The following RGS7 variants were observed in gnomAD, a reference collection of about 807,000 sequenced individuals.
The protein encoded by RGS7 is regulator of G protein signaling 7, also known as regulator of G-protein signaling 7.
RGS7 carries 27 observed loss-of-function variants against 81.1 expected under a neutral mutation model. The ratio of observed to expected loss-of-function variants is 0.33; its 90% CI spans 0.25 to 0.46. The LOEUF (loss-of-function observed/expected upper bound fraction) is 0.46. RGS7 is among the 20% of genes least tolerant of loss of function. The probability of loss-of-function intolerance (pLI) is 1.00; values close to 1 mark genes in which losing one functional copy is unlikely to be tolerated. For synonymous variants in RGS7, 208 were observed against 207.7 expected, an observed-to-expected ratio of 1.00 and a Z score of -0.01; for missense variants, 396 against 607.4, an observed-to-expected ratio of 0.65 and a Z score of 3.66.
In RGS7 at chr1:240,987,966, T is replaced by C. The variant is rs60293627; in HGVS notation, c.176-4837A>G. On this transcript the variant is annotated intron_variant, in intron 3 of 18. Coordinates refer to ENST00000440928, the MANE Select transcript of RGS7 (RefSeq NM_001364886.1). ...TCAAATAGCATGTAATAAACATCTA[T>C]TGCGTTTCTGTAGAAGTTTGGCTGA... is the stretch of plus-strand genomic sequence containing the variant. Among the ~76,000 whole-genome samples, 1,447 of 152,318 alleles carry C rather than the reference T, an allele frequency of 9.5e-3. 17 individuals carry two copies. Among genetic ancestry groups the C allele is most frequent in the East Asian group, 0.058 (300 of 5,186 alleles).
At chr1:240,921,821 T>G (rs1260328057) in intron 6 of RGS7, among the ~76,000 whole-genome samples, 1 of 152,062 alleles carries the variant, frequency 6.6e-6, no homozygotes, top group Non-Finnish European at 1.5e-5. Context: ...AAGATGTGAG[T>G]TCTTTCCAAC....
chr1:241,209,894 TA>T (rs1421699875), intron 2 of RGS7, among the ~76,000 whole-genome samples: 4 of 152,028 alleles, frequency 2.6e-5, no homozygotes, highest in African/African-American at 9.7e-5. Flanking sequence ...TTAACTCATT[TA>T]ATCTTGACAG....
At chr1:241,199,593 A>G (rs2073346105) in intron 2 of RGS7, among the ~76,000 whole-genome samples, 1 of 151,752 alleles carries the variant, frequency 6.6e-6, no homozygotes, top group South Asian at 2.1e-4. Context: ...CAATGCAATA[A>G]GGCAAGAAAA....
intron 3 of RGS7, among the ~76,000 whole-genome samples, chr1:241,023,945 T>C (rs1381289437): frequency 6.6e-6 from 1 of 152,170 alleles, no homozygotes; most frequent in Non-Finnish European, 1.5e-5. Context: ...GGTTTCTCCA[T>C]GTTGGTCAGG....
intron 2 of RGS7, among the ~76,000 whole-genome samples, chr1:241,214,044 C>T (rs1323975098): frequency 6.6e-6 from 1 of 152,132 alleles, no homozygotes; most frequent in African/African-American, 2.4e-5. Flanking sequence ...GAATTACAGG[C>T]ACGAGCCACC....
Position 241,030,658 on chromosome 1 carries a change from A to G in RGS7, c.176-47529T>C, listed in dbSNP as rs111367265. Reference sequence around the variant, plus strand: ...CTCATTCTCATCTCTCCTGTCGACCATTCTAGTCTCAGCCACTATCATCTC... The same window carrying G: ...CTCATTCTCATCTCTCCTGTCGACCGTTCTAGTCTCAGCCACTATCATCTC... On this transcript the variant is annotated intron_variant, in intron 3 of 18. Coordinates refer to ENST00000440928, the MANE Select transcript of RGS7 (RefSeq NM_001364886.1). Among the ~76,000 whole-genome samples the G allele has an allele frequency of 4.2e-3, 634 of 152,084 alleles. 6 individuals are homozygous for G. The highest frequency in any genetic ancestry group is 0.014 in the African/African-American group (599 of 41,494).
intron 2 of RGS7, among the ~76,000 whole-genome samples, chr1:241,354,134 C>G (rs1301996676): frequency 2.0e-5 from 3 of 151,946 alleles, no homozygotes; most frequent in Admixed American, 6.6e-5. Flanking sequence ...TTGTATACAC[C>G]CATAAGATAG....
chr1:240,853,632 GCAGTGACTCACGCC>G (rs1299899230), intron 9 of RGS7, among the ~76,000 whole-genome samples: 1 of 152,058 alleles, frequency 6.6e-6, no homozygotes, highest in Non-Finnish European at 1.5e-5. Context: ...CTGGCCGGGC[GCAGTGACTCACGCC>G]TGAAACCCCA....
At chr1:241,201,059 C>T (rs2073463927) in intron 2 of RGS7, among the ~76,000 whole-genome samples, 1 of 152,190 alleles carries the variant, frequency 6.6e-6, no homozygotes, top group Non-Finnish European at 1.5e-5. Flanking sequence ...ATATTCTTTA[C>T]TTTGATTACC....
intron 3 of RGS7, among the ~76,000 whole-genome samples, chr1:241,000,226 T>A (rs2148625496): frequency 6.6e-6 from 1 of 152,272 alleles, no homozygotes; most frequent in East Asian, 1.9e-4. Flanking sequence ...AAAGGAGGTC[T>A]CATTCCTGAC....
At chr1:241,133,285 G>A (rs1312433665) in intron 2 of RGS7, among the ~76,000 whole-genome samples, 6 of 151,082 alleles carry the variant, frequency 4.0e-5, no homozygotes, top group Non-Finnish European at 8.8e-5. Flanking sequence ...ATATCAATTT[G>A]ATAAACCACA....
chr1:241,128,528 T>C (rs2066851416), intron 2 of RGS7, among the ~76,000 whole-genome samples: 1 of 151,912 alleles, frequency 6.6e-6, no homozygotes, highest in African/African-American at 2.4e-5. Flanking sequence ...GAGGTTACAG[T>C]GAGCCGAGAT....
intron 2 of RGS7, among the ~76,000 whole-genome samples, chr1:241,342,719 G>A (rs1008869953): frequency 6.6e-6 from 1 of 152,204 alleles, no homozygotes; most frequent in African/African-American, 2.4e-5. Flanking sequence ...GCCTTTTAAA[G>A]CTGATAGATT....
chr1:240,777,834 T>G (rs1683233663), intron 18 of RGS7, among the ~76,000 whole-genome samples: 1 of 151,710 alleles, frequency 6.6e-6, no homozygotes, highest in Non-Finnish European at 1.5e-5. Flanking sequence ...CCAAAGGCCC[T>G]AACTCCTAAT....
chr1:240,906,006 C>G (rs763472286), intron 6 of RGS7, among the ~76,000 whole-genome samples: 13 of 152,164 alleles, frequency 8.5e-5, no homozygotes, highest in Non-Finnish European at 1.6e-4. Flanking sequence ...TTCCCAGGTT[C>G]CATCTCATAC....
intron 2 of RGS7, among the ~76,000 whole-genome samples, chr1:241,309,961 G>T (rs2080409226): frequency 6.6e-6 from 1 of 152,202 alleles, no homozygotes; most frequent in African/African-American, 2.4e-5. Context: ...CAAACTGGCA[G>T]AGTATCCTGA....
At chr1:241,007,566 C>T (rs2058737304) in intron 3 of RGS7, among the ~76,000 whole-genome samples, 1 of 152,092 alleles carries the variant, frequency 6.6e-6, no homozygotes, top group African/African-American at 2.4e-5. Context: ...TAGGTAGAAA[C>T]AGAGTCAAAA....
At chr1:240,911,203 A>T (rs2148250329) in intron 6 of RGS7, among the ~76,000 whole-genome samples, 1 of 152,184 alleles carries the variant, frequency 6.6e-6, no homozygotes, top group African/African-American at 2.4e-5. Context: ...AGCATCATTT[A>T]CATCTTGCAG....
rs186329761 is a variant in RGS7, at chr1:240,945,369, T to C, written c.227-8663A>G. Among the ~76,000 whole-genome samples, 349 of 152,342 alleles carry C rather than the reference T, an allele frequency of 2.3e-3. 1 individual carries two copies. Among genetic ancestry groups the C allele is most frequent in the Non-Finnish European group, 3.7e-3 (250 of 68,028 alleles). On this transcript the variant is annotated intron_variant, in intron 4 of 18. Coordinates refer to ENST00000440928, the MANE Select transcript of RGS7 (RefSeq NM_001364886.1). ...AGAGCAAATGAATGCTTATTCCAAA[T>C]AGGAACTGGTTTTATGAGTGTGTTC...
Sources: allele counts gnomAD v4.1 joint callset (sites outside exome capture counted in the v4.1 genomes callset), GRCh38; gene constraint gnomAD v4.1.1; transcripts MANE v1.5; gene names NCBI Gene and HGNC (gene_info 2026-07-23, HGNC 2026-07-21).